Variants in DACH2 observed in about 807,000 individuals in gnomAD.
DACH2 encodes dachshund homolog 2.
DACH2 carries 17 observed loss-of-function variants against 35.8 expected under a neutral mutation model. The observed-to-expected ratio is 0.48, with a 90% CI of 0.33 to 0.71. The LOEUF is 0.71. Among genes scored for constraint, DACH2 ranks in the 30% least tolerant of loss-of-function variants. DACH2 has a pLI of 0.02. For missense variants in DACH2, 469 were observed against 472.7 expected, an observed-to-expected ratio of 0.99 and a Z score of 0.07; for synonymous variants, 195 against 177.3, an observed-to-expected ratio of 1.10 and a Z score of -0.79.
intron 3 of DACH2, among the ~76,000 whole-genome samples, chrX:86,546,407 T>TCTTCTTCTTCTTCTTCTTCTTCTTC (rs1569435811): frequency 1.0e-4 from 9 of 87,353 alleles, no homozygotes; most frequent in Admixed American, 2.5e-4. Flanking sequence ...TCTTCTTCCT[T>TCTTCTTCTTCTTCTTCTTCTTCTTC]CTTCTTCTTC....
chrX:86,817,467 A>G (rs1003065736), intron 11 of DACH2, among the ~76,000 whole-genome samples: 3 of 111,434 alleles, frequency 2.7e-5, no homozygotes, highest in Non-Finnish European at 5.7e-5. Flanking sequence ...TGAATCAGTG[A>G]CATGCAAATA....
chrX:86,498,134 A>G (rs2038198734), intron 2 of DACH2, among the ~76,000 whole-genome samples: 1 of 112,244 alleles, frequency 8.9e-6, no homozygotes, highest in African/African-American at 3.2e-5. Context: ...CAAGGCATTC[A>G]GTATTCACTC....
chrX:86,258,489 C>T (rs990896311), intron 1 of DACH2, among the ~76,000 whole-genome samples: 1 of 111,712 alleles, frequency 9.0e-6, no homozygotes, highest in African/African-American at 3.2e-5. Flanking sequence ...GCAATATCAA[C>T]TGAAATAAGT....
chrX:86,690,816 G>A (rs2041001206), intron 4 of DACH2, among the ~76,000 whole-genome samples: 1 of 111,782 alleles, frequency 8.9e-6, no homozygotes, highest in African/African-American at 3.2e-5. Context: ...TGGTAAAGTT[G>A]GGATTAAATT....
At chrX:86,333,305 G>T (rs1176060547) in intron 1 of DACH2, among the ~76,000 whole-genome samples, 1 of 111,748 alleles carries the variant, frequency 8.9e-6, no homozygotes, top group Non-Finnish European at 1.9e-5. Context: ...TATGAAAAAG[G>T]TGAGCCTATT....
At chrX:86,465,174 G>A (rs2037644244) in intron 2 of DACH2, among the ~76,000 whole-genome samples, 1 of 111,713 alleles carries the variant, frequency 9.0e-6, no homozygotes, top group Admixed American at 9.6e-5. Context: ...GTTAAACTTG[G>A]CACTCTTCTA....
intron 1 of DACH2, among the ~76,000 whole-genome samples, chrX:86,288,516 G>A (rs2034201065): frequency 8.9e-6 from 1 of 112,352 alleles, no homozygotes; most frequent in Admixed American, 9.4e-5. Flanking sequence ...GGTGCTGTCT[G>A]GGAGGCAGGC....
chrX:86,362,157 C>T (rs2035748270), intron 1 of DACH2, among the ~76,000 whole-genome samples: 1 of 111,000 alleles, frequency 9.0e-6, no homozygotes, highest in African/African-American at 3.3e-5. Flanking sequence ...TAGAACAATG[C>T]TAGATACTGT....
intron 9 of DACH2, among the ~76,000 whole-genome samples, chrX:86,814,444 C>T (rs2042425702): frequency 9.0e-6 from 1 of 111,595 alleles, no homozygotes; most frequent in Non-Finnish European, 1.9e-5. Flanking sequence ...ATGTGTATTA[C>T]AGAACATACA....
At chrX:86,397,128 A>T (rs1330758800) in intron 2 of DACH2, among the ~76,000 whole-genome samples, 1 of 110,005 alleles carries the variant, frequency 9.1e-6, no homozygotes, top group Non-Finnish European at 1.9e-5. Flanking sequence ...TTGGATTCCT[A>T]GGTATTTTAT....
intron 1 of DACH2, among the ~76,000 whole-genome samples, chrX:86,325,082 A>G (rs750819915): frequency 2.1e-3 from 125 of 59,249 alleles, no homozygotes; most frequent in Admixed American, 4.9e-3. Flanking sequence ...TAACTTTTCT[A>G]TGCACTGGGA....
At chrX:86,466,388 G>A (rs1021706624) in intron 2 of DACH2, among the ~76,000 whole-genome samples, 6 of 110,154 alleles carry the variant, frequency 5.4e-5, no homozygotes, top group African/African-American at 2.0e-4. Flanking sequence ...CCCACAACAT[G>A]TAGGTATTGT....
chrX:86,449,721 T>C (rs1304094755), intron 2 of DACH2, among the ~76,000 whole-genome samples: 1 of 111,406 alleles, frequency 9.0e-6, no homozygotes, highest in Non-Finnish European at 1.9e-5. Flanking sequence ...ATATACCAGG[T>C]CATTTTAAGC....
chrX:86,565,328 A>G (rs186518289), intron 3 of DACH2, among the ~76,000 whole-genome samples: 189 of 111,538 alleles, frequency 1.7e-3, no homozygotes, highest in African/African-American at 5.8e-3. Flanking sequence ...GTTTATTTCT[A>G]TTAACATGTC....
intron 7 of DACH2, among the ~76,000 whole-genome samples, chrX:86,776,613 G>A (rs1176242196): frequency 4.5e-5 from 5 of 111,201 alleles, no homozygotes; most frequent in African/African-American, 1.6e-4. Context: ...TACATTTTAA[G>A]TTCTATGGTA....
At chrX:86,796,402 C>G (rs1165178872) in intron 7 of DACH2, among the ~76,000 whole-genome samples, 3 of 111,640 alleles carry the variant, frequency 2.7e-5, no homozygotes, top group African/African-American at 9.8e-5. Context: ...CCCACTCAAC[C>G]CAGGAAGTCC....
intron 2 of DACH2, among the ~76,000 whole-genome samples, chrX:86,398,320 T>G (rs2036343850): frequency 8.9e-6 from 1 of 112,647 alleles, no homozygotes; most frequent in African/African-American, 3.2e-5. Context: ...TCAATTTTGT[T>G]GATCTTTTCA....
chrX:86,336,854 A>G (rs963798094), intron 1 of DACH2, among the ~76,000 whole-genome samples: 1 of 109,544 alleles, frequency 9.1e-6, no homozygotes, highest in Non-Finnish European at 1.9e-5. Context: ...ATTGCTAACT[A>G]GAATAACCCA....
intron 1 of DACH2, among the ~76,000 whole-genome samples, chrX:86,279,631 C>T (rs556060380): frequency 1.8e-5 from 2 of 110,816 alleles, no homozygotes; most frequent in South Asian, 7.7e-4. Context: ...ATCACAACTC[C>T]TTCCCAGCAA....
Sources: gnomAD v4.1 joint callset for allele counts (sites outside exome capture counted in the v4.1 genomes callset) on GRCh38, gnomAD v4.1.1 for gene constraint, MANE v1.5 for transcripts, NCBI Gene and HGNC (gene_info 2026-07-23, HGNC 2026-07-21) for gene names.